UMODL1: variants seen among roughly 807,000 people sequenced by gnomAD.
UMODL1 encodes the protein uromodulin like 1.
A neutral mutation model predicts 136.3 loss-of-function variants in UMODL1; 128 were observed. The ratio of observed to expected loss-of-function variants is 0.94; its 90% CI spans 0.81 to 1.09. UMODL1 has a LOEUF of 1.09. Among genes scored for constraint, UMODL1 ranks in the 50% least tolerant of loss-of-function variants. UMODL1 has a pLI of 0.00. For synonymous variants in UMODL1, 721 were observed against 720.0 expected (o/e 1.00, Z -0.02); for missense variants, 1,766 against 1,725.6 (o/e 1.02, Z -0.41).
chr21:42,073,985 C>G (rs1179184147), intron 1 of UMODL1, among the ~76,000 whole-genome samples: 1 of 152,202 alleles, frequency 6.6e-6, no homozygotes, highest in African/African-American at 2.4e-5. Flanking sequence ...ACTCAGGGCC[C>G]CCTGCTAGGT....
In UMODL1 at chr21:42,135,694, C is replaced by T. The variant is rs112306189; in HGVS notation, c.3776-1745C>T. Among the ~76,000 whole-genome samples the T allele has an allele frequency of 3.6e-3, 547 of 152,234 alleles. 1 individual carries two copies. Among genetic ancestry groups the T allele is most frequent in the Non-Finnish European group, 5.8e-3 (392 of 68,002 alleles). ...GGAGTTGTCTGGGGAAGTGGCCGGC[C>T]GGGATCTGGGGGCCTCGGTTTCTTG... On this transcript the variant is annotated intron_variant, in intron 21 of 22. Transcript: ENST00000408910.
At position 42,137,551 on chromosome 21, in the gene UMODL1, G is replaced by A; in HGVS notation, c.3888G>A (p.Gln1296=). 1 of 1,614,226 alleles carries A rather than the reference G, an allele frequency of 6.2e-7. No individual in the cohort carries two copies. The highest frequency in any genetic ancestry group is 8.5e-7 in the Non-Finnish European group (1 of 1,180,044). The change falls in exon 22 of 23, where the codon CAG becomes CAA. Residue 1296 remains glutamine (Q), a synonymous_variant. Transcript: ENST00000408910. ...CCACCCTTCTGATCGTGCGCTACCA[G>A]AGAATGAATGGGAGATACAACTTTA... is the stretch of plus-strand genomic sequence containing the variant. ...GTATLLIVRY[Q]RMNGRYNFKI... is the part of the protein sequence containing the mutation.
chr21:42,097,494 T>C (rs1462579671), intron 6 of UMODL1, among the ~76,000 whole-genome samples: 1 of 152,110 alleles, frequency 6.6e-6, no homozygotes. Flanking sequence ...CAAAGGGAAA[T>C]GAGTTGGACA....
Position 42,123,048 on chromosome 21 carries a change from C to A in UMODL1, c.3045C>A (p.Ser1015=). Residue 1015 remains serine, a synonymous_variant, in exon 17 of 23, where the codon TCC becomes TCA. Transcript: ENST00000408910. The surrounding 1 kb of genome is among the most constrained non-coding windows in gnomAD (Gnocchi z 4.4). ...TGCAGCAGGAATCCATCCCCGAGTC[C>A]TCGTTGTACCTCAGCCACCCCTCCT... ...RFLQQESIPE[S]SLYLSHPSCN... is the part of the protein sequence containing the mutation. 1.9e-6 allele frequency: 3 copies of A among 1,614,144 alleles called. No homozygotes were observed. Among genetic ancestry groups the A allele is most frequent in the Non-Finnish European group, 2.5e-6 (3 of 1,180,038 alleles).
In UMODL1 at chr21:42,102,387, T is replaced by C; in HGVS notation, c.1299+109T>C. On this transcript the variant is annotated intron_variant, in intron 8 of 22. Transcript: ENST00000408910. ...TCTTCCTCTGGGATTGTGGCAAAAA[T>C]ACATGTTACTGCAGCTTCAGGGGAG... is the stretch of plus-strand genomic sequence containing the variant. 7 of 816,592 alleles carry C rather than the reference T, an allele frequency of 8.6e-6. 1 individual carries two copies. In the South Asian group the frequency reaches 1.2e-4, roughly 15 times the overall value. The allele number at this position is 816,592 out of a possible 1,614,324, so 50.6% of individuals were successfully genotyped here.
chr21:42,130,245 T>C (rs8130220), intron 21 of UMODL1, among the ~76,000 whole-genome samples: 13 of 151,968 alleles, frequency 8.6e-5, no homozygotes, highest in South Asian at 2.1e-4. Flanking sequence ...TGTGTGTGTG[T>C]GCGTGCACAC....
rs1402446370 is a variant in UMODL1, at chr21:42,085,148, G to A, written c.482-143G>A. 8.7e-6 allele frequency: 9 copies of A among 1,032,154 alleles called. No individual in the cohort carries two copies. In the Admixed American group the frequency reaches 2.0e-4, roughly 23 times the overall value. 63.9% of individuals were successfully genotyped at this position (1,032,154 alleles called of 1,614,324 possible). The stretch of plus-strand genomic sequence containing the variant: ...AGGACATCCCCCGTCTCCTGTGGTA[G>A]ATGTCTTTTTGCAGGGAGGTAAATG... On this transcript the variant is annotated intron_variant, in intron 3 of 22. Transcript: ENST00000408910. The surrounding 1 kb of genome is among the most constrained non-coding windows in gnomAD (Gnocchi z 4.5).
At chr21:42,118,194 G>C (rs1224458856) in intron 14 of UMODL1, among the ~76,000 whole-genome samples, 1 of 152,230 alleles carries the variant, frequency 6.6e-6, no homozygotes, top group African/African-American at 2.4e-5. Context: ...TCCTCTGAGA[G>C]AAAGAGAGAG....
At chr21:42,097,730 GA>G (rs1292511103) in intron 6 of UMODL1, among the ~76,000 whole-genome samples, 2 of 152,130 alleles carry the variant, frequency 1.3e-5, no homozygotes, top group African/African-American at 4.8e-5. Context: ...CTTAAATTCT[GA>G]TGTGAAAATT....
At chr21:42,124,420 C>T (rs1305417533) in intron 17 of UMODL1, among the ~76,000 whole-genome samples, 1 of 152,142 alleles carries the variant, frequency 6.6e-6, no homozygotes, top group Non-Finnish European at 1.5e-5. Context: ...AGGCCAGCGT[C>T]GTTCCAAGGG....
chr21:42,080,269 G>A (rs2066346812), intron 2 of UMODL1, among the ~76,000 whole-genome samples: 1 of 152,224 alleles, frequency 6.6e-6, no homozygotes, highest in South Asian at 2.1e-4. Context: ...TGTACAGAAC[G>A]AAGCAGGGCC....
In UMODL1 at chr21:42,123,340, G is replaced by A. The variant is rs899333805; in HGVS notation, c.3147+190G>A. 7.2e-5 allele frequency among the ~76,000 whole-genome samples: 11 copies of A among 152,210 alleles called. No homozygotes were observed. The highest frequency in any genetic ancestry group is 2.4e-4 in the African/African-American group (10 of 41,446). On this transcript the variant is annotated intron_variant, in intron 17 of 22. Coordinates refer to ENST00000408910, the MANE Select transcript of UMODL1 (RefSeq NM_001004416.3). The surrounding 1 kb of genome is among the most constrained non-coding windows in gnomAD (Gnocchi z 4.4). ...CCCCAGAATCGGAAGGGAGCTGTGAGTCCACCCAGGAGGGACTCTGGTGCA... is the reference window on the plus strand; with the variant it reads ...CCCCAGAATCGGAAGGGAGCTGTGAATCCACCCAGGAGGGACTCTGGTGCA...
At chr21:42,097,669 G>A (rs2066574691) in intron 6 of UMODL1, among the ~76,000 whole-genome samples, 2 of 152,096 alleles carry the variant, frequency 1.3e-5, no homozygotes, top group Admixed American at 1.3e-4. Context: ...TCTTTACCAT[G>A]GTTTTGCAAA....
At position 42,119,020 on chromosome 21, in the gene UMODL1, G is replaced by A. The variant is rs898178727; in HGVS notation, c.2476-91G>A. 5.2e-6 allele frequency: 7 copies of A among 1,357,066 alleles called. No homozygotes were observed. The Admixed American group carries it at 7.7e-5, about 15-fold the overall frequency. 84.1% of individuals were successfully genotyped at this position (1,357,066 alleles called of 1,614,324 possible). On this transcript the variant is annotated intron_variant, in intron 14 of 22. Coordinates refer to ENST00000408910, the MANE Select transcript of UMODL1 (RefSeq NM_001004416.3). ...CTTTGTGCCACGGGCCAGCCCTGCT[G>A]CTGGGCAGACTGGCAGGAGGAACCG...
rs2066895175 is a variant in UMODL1 at position 42,115,885 on chromosome 21, T to C, written c.2375T>C (p.Leu792Pro). 1 of 1,613,870 alleles carries C rather than the reference T, an allele frequency of 6.2e-7. No individual in the cohort carries two copies. Residue 792 changes from leucine to proline, a missense_variant, in exon 14 of 23, where the codon CTC (leucine) becomes CCC (proline). Transcript: ENST00000408910. ...CTCCATCCTGCAGCAGCCCGGAAGC[T>C]CATTGGAAAGGTCAGAATCAAAAAT... Reference protein sequence around the residue: ...HLKVRTAARKLIGKVRIKNVR... With the variant: ...HLKVRTAARKPIGKVRIKNVR...
intron 15 of UMODL1, 120 bp from the exon 16 acceptor site, chr21:42,120,967 G>A (rs1210429709): frequency 2.1e-5 from 28 of 1,316,024 alleles, no homozygotes; most frequent in Non-Finnish European, 2.9e-5. Flanking sequence ...CTTGACTGCA[G>A]TCTGCTGTGG....
rs73905556 is a variant in UMODL1, at chr21:42,113,509, C to T, written c.2105-64C>T. Reference sequence around the variant, plus strand: ...GATGAATTTGATTTTTGGCATTGGGCGAGGCTTCTTTTCTCCTAGAAATGG... The same window carrying T: ...GATGAATTTGATTTTTGGCATTGGGTGAGGCTTCTTTTCTCCTAGAAATGG... On this transcript the variant is annotated intron_variant, in intron 12 of 22. Coordinates refer to ENST00000408910, the MANE Select transcript of UMODL1 (RefSeq NM_001004416.3). 4,312 of 1,555,102 alleles carry T rather than the reference C, an allele frequency of 2.8e-3. 109 individuals carry two copies. In the African/African-American group the frequency reaches 0.052, roughly 19 times the overall value.
chr21:42,122,662 CGTGT>C lies in UMODL1; in HGVS notation c.2828-153_2828-150del, dbSNP rs59428323. Among the ~76,000 whole-genome samples, 165 of 150,358 alleles carry C rather than the reference CGTGT, an allele frequency of 1.1e-3. 1 individual carries two copies. Among genetic ancestry groups the C allele is most frequent in the South Asian group, 1.7e-3 (8 of 4,746 alleles). On this transcript the variant is annotated intron_variant, in intron 16 of 22. Coordinates refer to ENST00000408910, the MANE Select transcript of UMODL1 (RefSeq NM_001004416.3). This position sits in a 1 kb window ranked among gnomAD's most constrained non-coding sequence, Gnocchi z 4.3. ...GTGTACGTGTGTGTGCATATGTGTG[CGTGT>C]GTGTGTGTGTGTGTGCACGTGTGTA...
chr21:42,108,305 G>A (rs762118101), intron 9 of UMODL1: 6 of 522,544 alleles, frequency 1.1e-5, no homozygotes, highest in Non-Finnish European at 2.0e-5. Flanking sequence ...CCTGTAGGCT[G>A]GAGGTTGAGT....
Sources: allele counts gnomAD v4.1 joint callset (sites outside exome capture counted in the v4.1 genomes callset), GRCh38; gene constraint gnomAD v4.1.1; non-coding constraint Gnocchi (gnomAD v3.1); transcripts MANE v1.5; gene names NCBI Gene and HGNC (gene_info 2026-07-23, HGNC 2026-07-21).